The following VPS41 variants were observed in gnomAD, a reference collection of about 807,000 sequenced individuals.
VPS41 encodes VPS41 subunit of HOPS complex, also known as vacuolar protein sorting-associated protein 41 homolog.
VPS41 carries 85 observed loss-of-function variants against 130.9 expected under a neutral mutation model. The observed-to-expected ratio is 0.65, with a 90% CI of 0.55 to 0.78. The LOEUF is 0.78. VPS41 is among the 30% of genes least tolerant of loss of function. VPS41 has a pLI of 0.00. For synonymous variants in VPS41, 335 were observed against 332.9 expected (o/e 1.01, Z -0.07); for missense variants, 874 against 1,018.7 (o/e 0.86, Z 1.93).
intron 22 of VPS41, among the ~76,000 whole-genome samples, chr7:38,750,528 G>A (rs548492205): frequency 1.3e-5 from 2 of 152,144 alleles, no homozygotes; most frequent in Non-Finnish European, 2.9e-5. Context: ...CTATGCTTGT[G>A]CTGAGTTCTT....
At position 38,820,955 on chromosome 7, in the gene VPS41, GTGTA is replaced by G. The variant is rs909030489; in HGVS notation, c.384+244_384+247del. ...TGTGTGTGTGTGCGTGCGTGTGTGTGTGTATGTGTGTGTGAGTGATCTCACTCAC... is the reference window on the plus strand; with the variant it reads ...TGTGTGTGTGTGCGTGCGTGTGTGTGTGTGTGTGTGAGTGATCTCACTCAC... On this transcript the variant is annotated intron_variant, in intron 6 of 28. Coordinates refer to ENST00000310301, the MANE Select transcript of VPS41 (RefSeq NM_014396.4). Among the ~76,000 whole-genome samples the G allele has an allele frequency of 5.2e-4, 79 of 151,426 alleles. 1 individual carries two copies. Among genetic ancestry groups the G allele is most frequent in the African/African-American group, 1.1e-3 (46 of 40,996 alleles).
intron 4 of VPS41, among the ~76,000 whole-genome samples, chr7:38,830,550 C>T (rs560929526): frequency 6.6e-6 from 1 of 152,224 alleles, no homozygotes; most frequent in African/African-American, 2.4e-5. Flanking sequence ...AATATTTAGC[C>T]TTAAAATGGT....
intron 22 of VPS41, among the ~76,000 whole-genome samples, chr7:38,748,227 GCA>G (rs1038727033): frequency 6.6e-6 from 1 of 152,064 alleles, no homozygotes; most frequent in African/African-American, 2.4e-5. Flanking sequence ...GCGCGTGCGC[GCA>G]CACACACGCG....
At chr7:38,753,859 AGCT>A (rs1783732401) in intron 21 of VPS41, among the ~76,000 whole-genome samples, 1 of 152,194 alleles carries the variant, frequency 6.6e-6, no homozygotes, top group African/African-American at 2.4e-5. Flanking sequence ...AGTCTTCAAA[AGCT>A]TCAAAGCAGA....
At position 38,892,036 on chromosome 7, in the gene VPS41, T is replaced by A. The variant is rs372687312; in HGVS notation, c.60+6055A>T. Reference sequence around the variant, plus strand: ...CAATTAATATTATATATAAATTAACTATTCTCTATTCTCTGGAATAGAAAG... The same window carrying A: ...CAATTAATATTATATATAAATTAACAATTCTCTATTCTCTGGAATAGAAAG... On this transcript the variant is annotated intron_variant, in intron 2 of 28. Coordinates refer to ENST00000310301, the MANE Select transcript of VPS41 (RefSeq NM_014396.4). Among the ~76,000 whole-genome samples the A allele has an allele frequency of 1.9e-3, 285 of 152,134 alleles. 4 individuals are homozygous for A. The highest frequency in any genetic ancestry group is 3.5e-3 in the South Asian group (17 of 4,824).
chr7:38,852,851 G>A (rs1010799522), intron 4 of VPS41, among the ~76,000 whole-genome samples: 1 of 152,066 alleles, frequency 6.6e-6, no homozygotes, highest in Non-Finnish European at 1.5e-5. Flanking sequence ...CATGACATCC[G>A]ATTTACCATC....
intron 2 of VPS41, among the ~76,000 whole-genome samples, chr7:38,895,965 T>C (rs1354403509): frequency 6.6e-6 from 1 of 152,196 alleles, no homozygotes; most frequent in Non-Finnish European, 1.5e-5. Context: ...CCAGTCTCCA[T>C]CTGACTGTCA....
chr7:38,738,632 A>G (rs1795821315), intron 25 of VPS41, among the ~76,000 whole-genome samples: 1 of 152,252 alleles, frequency 6.6e-6, no homozygotes, highest in Admixed American at 6.5e-5. Context: ...GTCAGTTTAC[A>G]TAAAAACTGA....
chr7:38,885,930 G>C (rs1241331787), intron 2 of VPS41, among the ~76,000 whole-genome samples: 1 of 152,062 alleles, frequency 6.6e-6, no homozygotes, highest in Non-Finnish European at 1.5e-5. Flanking sequence ...ACAGTGTGGA[G>C]ATGACACAAG....
intron 1 of VPS41, among the ~76,000 whole-genome samples, chr7:38,908,251 C>T (rs1434947862): frequency 6.6e-6 from 1 of 152,204 alleles, no homozygotes; most frequent in Non-Finnish European, 1.5e-5. Context: ...TGAAATAACA[C>T]TGGAAATGGA....
intron 2 of VPS41, among the ~76,000 whole-genome samples, chr7:38,881,683 G>A (rs146515335): frequency 4.6e-5 from 7 of 152,220 alleles, no homozygotes; most frequent in African/African-American, 1.4e-4. Flanking sequence ...ACAATTCTCC[G>A]GTTGAGTCAG....
chr7:38,777,442 G>A (rs1784280162), intron 10 of VPS41, among the ~76,000 whole-genome samples: 1 of 152,010 alleles, frequency 6.6e-6, no homozygotes, highest in Admixed American at 6.6e-5. Context: ...TAATTGCACT[G>A]GACCCCAAAG....
chr7:38,883,266 A>G, intron 2 of VPS41, among the ~76,000 whole-genome samples: 1 of 152,122 alleles, frequency 6.6e-6, no homozygotes, highest in East Asian at 1.9e-4. Flanking sequence ...AAAAAATAAA[A>G]CAACAAAGAC....
At chr7:38,860,784 G>A (rs967749950) in intron 4 of VPS41, among the ~76,000 whole-genome samples, 1 of 150,322 alleles carries the variant, frequency 6.7e-6, no homozygotes, top group Non-Finnish European at 1.5e-5. Context: ...TATGTACTTA[G>A]GAGTGCAAAC....
At chr7:38,782,280 C>G (rs188469476) in intron 10 of VPS41, among the ~76,000 whole-genome samples, 64 of 152,306 alleles carry the variant, frequency 4.2e-4, no homozygotes, top group African/African-American at 1.4e-3. Context: ...AGAGCAGCCT[C>G]TTGGCCTTTC....
intron 10 of VPS41, among the ~76,000 whole-genome samples, chr7:38,781,629 C>T (rs932368486): frequency 3.9e-5 from 6 of 152,238 alleles, no homozygotes; most frequent in Non-Finnish European, 2.9e-5. Context: ...TATCACTTAA[C>T]CTTAATCTTT....
chr7:38,745,498 A>G (rs1378103015), intron 23 of VPS41, 61 bp downstream of exon 23: 2 of 1,333,686 alleles, frequency 1.5e-6, no homozygotes, highest in East Asian at 4.6e-5. Context: ...TACACAATTT[A>G]CTTCATGTTG....
intron 2 of VPS41, among the ~76,000 whole-genome samples, chr7:38,888,796 T>C (rs1310852281): frequency 1.3e-5 from 2 of 152,044 alleles, no homozygotes; most frequent in Admixed American, 6.5e-5. Context: ...CCTCAGCAAA[T>C]GTAAAAGAAC....
At chr7:38,898,203 T>G in intron 1 of VPS41, 74 bp from the exon 2 acceptor site, 1 of 1,313,394 alleles carries the variant, frequency 7.6e-7, no homozygotes, top group Non-Finnish European at 1.1e-6. Flanking sequence ...GAAAGAGTCC[T>G]CATGTTCCTA....
Sources: gnomAD v4.1 joint callset for allele counts (sites outside exome capture counted in the v4.1 genomes callset) on GRCh38, gnomAD v4.1.1 for gene constraint, MANE v1.5 for transcripts, NCBI Gene and HGNC (gene_info 2026-07-23, HGNC 2026-07-21) for gene names.